The following MAP3K13 variants were observed in gnomAD, a reference collection of about 807,000 sequenced individuals.
MAP3K13 encodes mitogen-activated protein kinase kinase kinase 13, also known as leucine zipper-bearing kinase.
A neutral mutation model predicts 104.0 loss-of-function variants in MAP3K13; 52 were observed. The observed-to-expected ratio is 0.50, with a 90% CI of 0.40 to 0.63. The LOEUF (loss-of-function observed/expected upper bound fraction) is 0.63, where lower values mean the gene tolerates loss of function less well. MAP3K13 is among the 20% of genes least tolerant of loss of function. The pLI is 0.00. For missense variants in MAP3K13, 914 were observed against 1,218.5 expected, an observed-to-expected ratio of 0.75 and a Z score of 3.72; for synonymous variants, 394 against 442.2, an observed-to-expected ratio of 0.89 and a Z score of 1.37.
At position 185,483,866 on chromosome 3, in the gene MAP3K13, C is replaced by T. The variant is rs1046916738; in HGVS notation, c.*1410C>T. On this transcript the variant is annotated 3_prime_UTR_variant, in exon 14 of 14. Transcript: ENST00000265026. ...TAGCTGGGATTACAGGCGCCCGCAA[C>T]CACGCCTGGCTAATTTTGTATTTTT... 1 of 154,888 alleles carries T rather than the reference C, an allele frequency of 6.5e-6. No individual in the cohort carries two copies. The highest frequency in any genetic ancestry group is 2.4e-5 in the African/African-American group (1 of 41,440). 9.6% of individuals were successfully genotyped at this position (154,888 alleles called of 1,614,324 possible). A position where few individuals can be genotyped will look rare whatever the true frequency, so the allele number is the denominator to read the frequency against.
chr3:185,449,948 C>G lies in MAP3K13; in HGVS notation c.1059C>G (p.Tyr353Ter). The G allele has an allele frequency of 1.2e-6, 2 of 1,613,612 alleles. No homozygotes were observed. The highest frequency in any genetic ancestry group is 1.7e-6 in the Non-Finnish European group (2 of 1,179,822). Residue 353 changes from tyrosine (Y) to a stop codon, truncating the protein, a stop_gained, in exon 6 of 14, where the codon TAC becomes TAG. Coordinates refer to ENST00000265026, the MANE Select transcript of MAP3K13 (RefSeq NM_004721.5). LOFTEE classifies it high-confidence loss of function. ...AGCTGCTGACAGGAGAGATCCCTTA[C>G]AAAGATGTAGATTCTTCAGCCATTA... ...LWELLTGEIP[Y>*]KDVDSSAIIW...
intron 2 of MAP3K13, chr3:185,293,167 G>C (rs899325564): frequency 1.7e-5 from 8 of 463,686 alleles, no homozygotes; most frequent in Admixed American, 1.3e-4. Flanking sequence ...ACCCAGGCTG[G>C]AGTGTAGTGG....
chr3:185,376,088 C>A (rs1338455117), intron 1 of MAP3K13, among the ~76,000 whole-genome samples: 2 of 152,004 alleles, frequency 1.3e-5, no homozygotes, highest in Non-Finnish European at 2.9e-5. Flanking sequence ...CAAGTGTGAT[C>A]AGGGTGATAA....
chr3:185,474,764 A>T (rs1718013659), intron 11 of MAP3K13, among the ~76,000 whole-genome samples: 1 of 152,128 alleles, frequency 6.6e-6, no homozygotes, highest in Non-Finnish European at 1.5e-5. Context: ...CATAGCAGTT[A>T]AGAGCATGAG....
chr3:185,428,444 A>C (rs16860041), intron 1 of MAP3K13, 53 bp from the exon 2 acceptor site: 134,209 of 1,138,532 alleles, frequency 0.12, 8,741 homozygotes, highest in African/African-American at 0.22. Flanking sequence ...GAAGTGTCGT[A>C]GTGTGCATAC....
At chr3:185,331,558 C>T (rs1722282857) in intron 2 of MAP3K13, among the ~76,000 whole-genome samples, 1 of 152,016 alleles carries the variant, frequency 6.6e-6, no homozygotes, top group Admixed American at 6.6e-5. Flanking sequence ...AGAACTTTGT[C>T]TTGTTCAGGG....
Position 185,447,824 on chromosome 3 carries a change from C to T in MAP3K13, c.887C>T (p.Ser296Leu), listed in dbSNP as rs1426394076. ...ACCCACACAGATGCGGTAAAAATTT[C>T]AGATTTTGGTACATCTAAGGAACTC... ...LVTHTDAVKI[S>L]DFGTSKELSD... The change falls in exon 5 of 14, where the codon TCA becomes TTA. Residue 296 changes from serine (S) to leucine (L), a missense_variant. Transcript: ENST00000265026. 1 of 1,612,314 alleles carries T rather than the reference C, an allele frequency of 6.2e-7. No individual in the cohort carries two copies. Among genetic ancestry groups the T allele is most frequent in the Admixed American group, 1.7e-5 (1 of 59,502 alleles).
At chr3:185,372,862 G>A (rs540326775) in intron 1 of MAP3K13, among the ~76,000 whole-genome samples, 1 of 152,266 alleles carries the variant, frequency 6.6e-6, no homozygotes, top group East Asian at 1.9e-4. Flanking sequence ...AGGACCCTAA[G>A]ATAAGGTTCC....
In MAP3K13 at chr3:185,307,730, G is replaced by C. The variant is rs182759395; in HGVS notation, c.-86+22087G>C. 5.4e-3 allele frequency among the ~76,000 whole-genome samples: 827 copies of C among 151,892 alleles called. 13 individuals are homozygous for C. Among genetic ancestry groups the C allele is most frequent in the African/African-American group, 0.019 (773 of 41,384 alleles). Reference sequence around the variant, plus strand: ...AGCTAATTTTTGTATTTTTAGTAGAGATGGGGTTTCACCATGTTGGCCAGG... The same window carrying C: ...AGCTAATTTTTGTATTTTTAGTAGACATGGGGTTTCACCATGTTGGCCAGG... On this transcript the variant is annotated intron_variant, in intron 2 of 14. Coordinates refer to the MAP3K13 transcript ENST00000424227.
At chr3:185,441,965 C>A (rs567960717) in intron 3 of MAP3K13, among the ~76,000 whole-genome samples, 6 of 149,118 alleles carry the variant, frequency 4.0e-5, no homozygotes, top group Non-Finnish European at 5.9e-5. Context: ...TGCTTGAACC[C>A]GGGAGGTGGA....
At chr3:185,303,746 G>T (rs1721186417) in intron 2 of MAP3K13, among the ~76,000 whole-genome samples, 1 of 151,458 alleles carries the variant, frequency 6.6e-6, no homozygotes. Context: ...TGTCAATTTT[G>T]TTGCCTTTTT....
intron 2 of MAP3K13, among the ~76,000 whole-genome samples, chr3:185,304,883 C>G (rs558805446): frequency 6.4e-4 from 97 of 152,210 alleles, no homozygotes; most frequent in Non-Finnish European, 1.1e-3. Context: ...CCGCCCCCTT[C>G]GGCCTCCCAA....
At chr3:185,347,521 G>A (rs991381106) in intron 2 of MAP3K13, among the ~76,000 whole-genome samples, 3 of 152,012 alleles carry the variant, frequency 2.0e-5, no homozygotes, top group Non-Finnish European at 4.4e-5. Context: ...CTACTTGTCC[G>A]ACTTATAAAT....
chr3:185,453,641 C>T (rs1233864557), intron 7 of MAP3K13, among the ~76,000 whole-genome samples: 2 of 151,568 alleles, frequency 1.3e-5, no homozygotes, highest in East Asian at 1.9e-4. Context: ...TGGTGCTACA[C>T]ACCTGTAGTC....
chr3:185,383,111 G>A (rs1277870334), intron 1 of MAP3K13, among the ~76,000 whole-genome samples: 8 of 122,986 alleles, frequency 6.5e-5, no homozygotes, highest in African/African-American at 9.6e-5. Context: ...AATATGCGGT[G>A]TTTGGTTTTT....
intron 2 of MAP3K13, 108 bp from the exon 3 acceptor site, chr3:185,437,339 A>T (rs756196229): frequency 6.9e-6 from 6 of 870,300 alleles, no homozygotes; most frequent in Non-Finnish European, 1.1e-5. Flanking sequence ...CGGGAGACAG[A>T]GGGTAAGGGT....
At chr3:185,373,645 A>C (rs1415225191) in intron 1 of MAP3K13, among the ~76,000 whole-genome samples, 1 of 152,164 alleles carries the variant, frequency 6.6e-6, no homozygotes, top group African/African-American at 2.4e-5. Context: ...CCATTTCAAA[A>C]AACAAACAAA....
At position 185,418,109 on chromosome 3, in the gene MAP3K13, T is replaced by A; in HGVS notation, c.-85-10388T>A. 25 of 1,611,024 alleles carry A rather than the reference T, an allele frequency of 1.6e-5. No individual in the cohort carries two copies. Among genetic ancestry groups the A allele is most frequent in the Non-Finnish European group, 2.0e-5 (24 of 1,178,952 alleles). On this transcript the variant is annotated intron_variant, in intron 1 of 13. Coordinates refer to ENST00000265026, the MANE Select transcript of MAP3K13 (RefSeq NM_004721.5). The surrounding 1 kb of genome is among the most constrained non-coding windows in gnomAD (Gnocchi z 4.5). Reference sequence around the variant, plus strand: ...ACATTAAGCAGAGTAATTCCAGGGATGTTTCTGAAGGCCTTGATGATACCA... The same window carrying A: ...ACATTAAGCAGAGTAATTCCAGGGAAGTTTCTGAAGGCCTTGATGATACCA...
At chr3:185,470,698 T>C (rs1577615442) in intron 10 of MAP3K13, among the ~76,000 whole-genome samples, 2 of 152,214 alleles carry the variant, frequency 1.3e-5, no homozygotes, top group East Asian at 3.8e-4. Flanking sequence ...GACATGTAGG[T>C]TGTTTCCAGC....
Sources: gnomAD v4.1 joint callset for allele counts (sites outside exome capture counted in the v4.1 genomes callset) on GRCh38, gnomAD v4.1.1 for gene constraint, Gnocchi (gnomAD v3.1) non-coding constraint, MANE v1.5 for transcripts, NCBI Gene and HGNC (gene_info 2026-07-23, HGNC 2026-07-21) for gene names.